CEP135: variants seen among roughly 807,000 people sequenced by gnomAD.
The protein encoded by CEP135 is centrosomal protein 135, also known as centrosomal protein of 135 kDa.
Under a neutral mutation model 157.3 loss-of-function variants are expected in CEP135, and 142 were observed. That is an observed-to-expected ratio of 0.90 (90% CI 0.79 to 1.04). The LOEUF is 1.04. Ranked by LOEUF, CEP135 falls within the 50% of genes least tolerant of loss-of-function variation. The pLI, the probability that CEP135 is intolerant of heterozygous loss-of-function variation, is 0.00. For synonymous variants in CEP135, 396 were observed against 439.8 expected (o/e 0.90, Z 1.25); for missense variants, 1,317 against 1,309.2 (o/e 1.01, Z -0.09).
At chr4:55,949,295 T>A (rs903169693) in intron 1 of CEP135, among the ~76,000 whole-genome samples, 4 of 152,088 alleles carry the variant, frequency 2.6e-5, no homozygotes, top group African/African-American at 9.7e-5. Context: ...AACCGGAGAT[T>A]GGGTGGAGGA....
rs529895418 is a variant in CEP135 at position 55,994,265 on chromosome 4, G to A, written c.2009+2180G>A. ...AGACATTTAAGAAGCTGAGAGTCAGGGCCAGGCATGGTGGCTTATGCCTAT... is the reference window on the plus strand; with the variant it reads ...AGACATTTAAGAAGCTGAGAGTCAGAGCCAGGCATGGTGGCTTATGCCTAT... On this transcript the variant is annotated intron_variant, in intron 15 of 25. Transcript: ENST00000257287. Among the ~76,000 whole-genome samples, 3 of 152,252 alleles carry A rather than the reference G, an allele frequency of 2.0e-5. No individual in the cohort carries two copies. The East Asian group carries it at 5.8e-4, about 29-fold the overall frequency.
In CEP135 at chr4:55,965,830, A is replaced by G. The variant is rs1404952754; in HGVS notation, c.1015A>G (p.Thr339Ala). ...AAGACATAAAGAAGAAGTGCTTGAGACTGCTGATAAAGAGCTTGGGGAAGC... is the reference window on the plus strand; with the variant it reads ...AAGACATAAAGAAGAAGTGCTTGAGGCTGCTGATAAAGAGCTTGGGGAAGC... The part of the protein sequence containing the change: ...LERHKEEVLE[T>A]ADKELGEAKK... Residue 339 changes from threonine to alanine, a missense_variant, in exon 8 of 26, where the codon ACT becomes GCT. By Grantham distance (58) the Thr-to-Ala change is moderately conservative (BLOSUM62 0). Transcript: ENST00000257287. 2 of 1,613,410 alleles carry G rather than the reference A, an allele frequency of 1.2e-6. No individual in the cohort carries two copies. The highest frequency in any genetic ancestry group is 2.2e-5 in the East Asian group (1 of 44,820).
intron 21 of CEP135, among the ~76,000 whole-genome samples, chr4:56,012,907 C>T (rs1730635637): frequency 6.6e-6 from 1 of 152,070 alleles, no homozygotes; most frequent in Admixed American, 6.5e-5. Flanking sequence ...TGGGTATATA[C>T]CCAGAAGTGG....
intron 1 of CEP135, among the ~76,000 whole-genome samples, chr4:55,949,805 G>A (rs1728303822): frequency 6.6e-6 from 1 of 152,224 alleles, no homozygotes; most frequent in Non-Finnish European, 1.5e-5. Context: ...CAGTTCATGG[G>A]TGGGGACGGC....
chr4:55,975,026 G>A (rs1424749199), intron 11 of CEP135, 57 bp downstream of exon 11: 2 of 1,263,160 alleles, frequency 1.6e-6, no homozygotes, highest in African/African-American at 3.0e-5. Context: ...AATTTTTCTG[G>A]TTTATTATTA....
chr4:55,979,238 C>CT (rs150230631), intron 11 of CEP135, among the ~76,000 whole-genome samples: 12 of 151,126 alleles, frequency 7.9e-5, no homozygotes, highest in Admixed American at 2.0e-4. Context: ...TGTTATTTTT[C>CT]TTTTTTTTTA....
At position 55,992,097 on chromosome 4, in the gene CEP135, C is replaced by A. The variant is rs888133351; in HGVS notation, c.2009+12C>A. 1 of 1,583,786 alleles carries A rather than the reference C, an allele frequency of 6.3e-7. No individual in the cohort carries two copies. The highest frequency in any genetic ancestry group is 1.2e-5 in the South Asian group (1 of 84,806). ...GTGAACTCACTTAGGTAAGTTTATTCAAAATTTTCTAATTTCATTTCTGGG... is the reference window on the plus strand; with the variant it reads ...GTGAACTCACTTAGGTAAGTTTATTAAAAATTTTCTAATTTCATTTCTGGG... On this transcript the variant is annotated intron_variant, in intron 15 of 25. Coordinates refer to ENST00000257287, the MANE Select transcript of CEP135 (RefSeq NM_025009.5).
chr4:56,025,935 G>A (rs1054395505), intron 25 of CEP135, among the ~76,000 whole-genome samples: 9 of 150,826 alleles, frequency 6.0e-5, no homozygotes, highest in Admixed American at 2.0e-4. Context: ...GGCCAGGCAC[G>A]GTGGCTCACA....
At position 56,019,571 on chromosome 4, in the gene CEP135, C is replaced by T; in HGVS notation, c.3215+16C>T. The T allele has an allele frequency of 1.9e-6, 3 of 1,577,918 alleles. No homozygotes were observed. The highest frequency in any genetic ancestry group is 2.2e-5 in the East Asian group (1 of 44,590). On this transcript the variant is annotated intron_variant, in intron 23 of 25. Transcript: ENST00000257287. ...AAAGCAAATTGTAAGTGTCTTAAGTCAACTTATGCAAAGACAATTGCTTGT... is the reference window on the plus strand; with the variant it reads ...AAAGCAAATTGTAAGTGTCTTAAGTTAACTTATGCAAAGACAATTGCTTGT...
chr4:55,956,206 T>C (rs1346767497), intron 4 of CEP135, among the ~76,000 whole-genome samples: 2 of 152,150 alleles, frequency 1.3e-5, no homozygotes, highest in South Asian at 2.1e-4. Context: ...TACTCCTACC[T>C]CTGTAGGAGT....
In CEP135 at chr4:55,971,379, G is replaced by T; in HGVS notation, c.1220G>T (p.Ser407Ile). The change falls in exon 10 of 26, where the codon AGC becomes ATC. Residue 407 changes from serine (S) to isoleucine (I), a missense_variant. Coordinates refer to ENST00000257287, the MANE Select transcript of CEP135 (RefSeq NM_025009.5). ...CTTGAACAAGAAAAGCAAAGACTTAGCAAAAAAGTTGAAAGTTTTGCAGTT... is the reference window on the plus strand; with the variant it reads ...CTTGAACAAGAAAAGCAAAGACTTATCAAAAAAGTTGAAAGTTTTGCAGTT... ...HQLEQEKQRL[S>I]KKVESFAVTE... 6.3e-7 allele frequency: 1 copy of T among 1,598,518 alleles called. No homozygotes were observed. Among genetic ancestry groups the T allele is most frequent in the South Asian group, 1.1e-5 (1 of 87,572 alleles).
intron 10 of CEP135, 103 bp from the exon 11 acceptor site, chr4:55,974,643 A>T (rs2109673899): frequency 1.2e-6 from 1 of 818,524 alleles, no homozygotes; most frequent in Non-Finnish European, 1.9e-6. Context: ...ACAGTTCATG[A>T]TTTCTAGTAG....
chr4:56,024,112 T>A (rs1731072938), intron 24 of CEP135, among the ~76,000 whole-genome samples: 1 of 144,692 alleles, frequency 6.9e-6, no homozygotes. Flanking sequence ...TATGGTATAG[T>A]ATATAGTATA....
intron 14 of CEP135, among the ~76,000 whole-genome samples, chr4:55,989,291 A>G (rs1302525330): frequency 6.6e-6 from 1 of 152,196 alleles, no homozygotes; most frequent in Non-Finnish European, 1.5e-5. Flanking sequence ...AGTCATTTAT[A>G]TAGCATTCAC....
intron 14 of CEP135, among the ~76,000 whole-genome samples, chr4:55,986,764 G>A (rs748590778): frequency 2.0e-5 from 3 of 152,198 alleles, no homozygotes; most frequent in Non-Finnish European, 2.9e-5. Context: ...CACCCAGGTA[G>A]TGAGCATAGT....
intron 21 of CEP135, among the ~76,000 whole-genome samples, chr4:56,015,010 C>T (rs1269120577): frequency 6.6e-6 from 1 of 152,066 alleles, no homozygotes; most frequent in Non-Finnish European, 1.5e-5. Context: ...CCACTGCACT[C>T]CAGCCTGGGT....
chr4:55,956,843 A>C (rs1577864199), intron 4 of CEP135, among the ~76,000 whole-genome samples: 1 of 152,024 alleles, frequency 6.6e-6, no homozygotes, highest in African/African-American at 2.4e-5. Flanking sequence ...CGAACTCCCA[A>C]CCTCAGGTGA....
chr4:55,965,970 C>G, intron 8 of CEP135, 111 bp downstream of exon 8: 1 of 925,452 alleles, frequency 1.1e-6, no homozygotes, highest in Non-Finnish European at 1.6e-6. Flanking sequence ...TTTTGTGTGT[C>G]TGTTTTTGTT....
chr4:56,003,299 G>A (rs926326547), intron 17 of CEP135, among the ~76,000 whole-genome samples: 16 of 151,968 alleles, frequency 1.1e-4, no homozygotes, highest in South Asian at 2.1e-4. Context: ...GCCGCCTCCC[G>A]GGTTCACGCC....
Sources: allele counts gnomAD v4.1 joint callset (sites outside exome capture counted in the v4.1 genomes callset), GRCh38; gene constraint gnomAD v4.1.1; transcripts MANE v1.5; gene names NCBI Gene and HGNC (gene_info 2026-07-23, HGNC 2026-07-21).